Variants in NAALADL2 observed in about 807,000 individuals in gnomAD.
NAALADL2 encodes N-acetylated alpha-linked acidic dipeptidase like 2, also known as inactive N-acetylated-alpha-linked acidic dipeptidase-like protein 2.
A neutral mutation model predicts 87.2 loss-of-function variants in NAALADL2; 76 were observed. The ratio of observed to expected loss-of-function variants is 0.87; its 90% CI spans 0.72 to 1.05. NAALADL2 has a LOEUF of 1.05. Ranked by LOEUF, NAALADL2 falls within the 50% of genes least tolerant of loss-of-function variation. The pLI, the probability that NAALADL2 is intolerant of heterozygous loss-of-function variation, is 0.00. For missense variants in NAALADL2, 1,089 were observed against 945.8 expected (o/e 1.15, Z -1.99); for synonymous variants, 354 against 331.0 (o/e 1.07, Z -0.75).
intron 10 of NAALADL2, among the ~76,000 whole-genome samples, chr3:175,599,179 C>T (rs1192792236): frequency 6.6e-6 from 1 of 152,008 alleles, no homozygotes; most frequent in Non-Finnish European, 1.5e-5. Flanking sequence ...CATATAGGTA[C>T]TGTAGGATAA....
At chr3:175,077,239 C>T (rs370432532) in intron 1 of NAALADL2, among the ~76,000 whole-genome samples, 43 of 152,232 alleles carry the variant, frequency 2.8e-4, no homozygotes, top group African/African-American at 8.9e-4. Context: ...TTTAATATTT[C>T]AAGCTTTAAA....
intron 2 of NAALADL2, among the ~76,000 whole-genome samples, chr3:174,602,742 G>C (rs753407862): frequency 6.6e-5 from 10 of 151,822 alleles, no homozygotes; most frequent in African/African-American, 2.4e-4. Context: ...CCCTCATTTA[G>C]TATGATATTA....
intron 9 of NAALADL2, among the ~76,000 whole-genome samples, chr3:175,493,765 G>A (rs1005286857): frequency 1.3e-5 from 2 of 152,108 alleles, no homozygotes; most frequent in Non-Finnish European, 2.9e-5. Flanking sequence ...TACAAGTATT[G>A]TCATTATGTT....
chr3:174,602,042 A>G (rs1718507838), intron 2 of NAALADL2, among the ~76,000 whole-genome samples: 1 of 152,100 alleles, frequency 6.6e-6, no homozygotes, highest in Non-Finnish European at 1.5e-5. Context: ...CATTTTGGTT[A>G]CTACAGTTCT....
chr3:174,744,880 A>G (rs1436870042), intron 3 of NAALADL2, among the ~76,000 whole-genome samples: 3 of 152,176 alleles, frequency 2.0e-5, no homozygotes, highest in Non-Finnish European at 4.4e-5. Context: ...GCAGAAATAA[A>G]TAAGTTCTTT....
intron 1 of NAALADL2, among the ~76,000 whole-genome samples, chr3:174,945,937 T>C (rs1739342240): frequency 1.3e-5 from 2 of 149,802 alleles, no homozygotes; most frequent in Admixed American, 1.3e-4. Context: ...TCCCAGCTGA[T>C]TGGGAGGCTG....
intron 3 of NAALADL2, among the ~76,000 whole-genome samples, chr3:174,805,626 A>T (rs1719380034): frequency 6.6e-6 from 1 of 152,158 alleles, no homozygotes; most frequent in Admixed American, 6.6e-5. Context: ...GTATTTAAGA[A>T]AATCTTTGCT....
intron 1 of NAALADL2, among the ~76,000 whole-genome samples, chr3:175,079,093 T>C (rs1351364859): frequency 6.6e-6 from 1 of 152,202 alleles, no homozygotes; most frequent in African/African-American, 2.4e-5. Context: ...TTCCAACACT[T>C]ATCATCTGTC....
intron 1 of NAALADL2, among the ~76,000 whole-genome samples, chr3:174,921,163 G>T (rs1251520305): frequency 6.6e-6 from 1 of 152,170 alleles, no homozygotes; most frequent in Non-Finnish European, 1.5e-5. Flanking sequence ...GGCACTGATA[G>T]AATTGCTTGA....
At chr3:175,399,997 C>G (rs1240248683) in intron 5 of NAALADL2, among the ~76,000 whole-genome samples, 1 of 152,060 alleles carries the variant, frequency 6.6e-6, no homozygotes, top group Admixed American at 6.6e-5. Flanking sequence ...TTCCAGACAT[C>G]AAACATGTTG....
chr3:174,861,441 A>G (rs957971862), intron 1 of NAALADL2, among the ~76,000 whole-genome samples: 20 of 152,178 alleles, frequency 1.3e-4, no homozygotes, highest in African/African-American at 4.6e-4. Flanking sequence ...ATGAAAAGTT[A>G]TTTTCTAGTG....
chr3:174,549,755 G>T (rs12489769), intron 1 of NAALADL2, among the ~76,000 whole-genome samples: 69,220 of 151,928 alleles, frequency 0.46, 17,875 homozygotes, highest in Non-Finnish European at 0.58. Flanking sequence ...TAGAATAGAA[G>T]TATCCCCAAA....
intron 3 of NAALADL2, among the ~76,000 whole-genome samples, chr3:174,813,449 A>G (rs533521922): frequency 2.0e-5 from 3 of 152,188 alleles, no homozygotes; most frequent in African/African-American, 4.8e-5. Flanking sequence ...ACAATTGCCT[A>G]TGTATTCAGT....
chr3:175,579,250 G>A (rs141461775), intron 10 of NAALADL2, among the ~76,000 whole-genome samples: 42 of 151,938 alleles, frequency 2.8e-4, no homozygotes, highest in Admixed American at 2.6e-3. Context: ...GATTGATCAT[G>A]GATCTATTAT....
intron 1 of NAALADL2, among the ~76,000 whole-genome samples, chr3:174,965,016 A>C (rs916466547): frequency 3.3e-5 from 5 of 152,042 alleles, no homozygotes; most frequent in African/African-American, 1.2e-4. Flanking sequence ...AAGAGCAAAC[A>C]TTTATTTTCT....
At chr3:174,682,163 A>T (rs897731427) in intron 2 of NAALADL2, among the ~76,000 whole-genome samples, 1 of 152,198 alleles carries the variant, frequency 6.6e-6, no homozygotes, top group Admixed American at 6.5e-5. Context: ...TGCAAAGTGG[A>T]TACCAGCTCA....
chr3:174,796,655 C>T (rs1718134200), intron 3 of NAALADL2, among the ~76,000 whole-genome samples: 1 of 66,688 alleles, frequency 1.5e-5, no homozygotes, highest in Non-Finnish European at 3.2e-5. Context: ...CATATCTTTG[C>T]TATTGTGAAC....
intron 2 of NAALADL2, among the ~76,000 whole-genome samples, chr3:174,727,538 A>C (rs1732317096): frequency 6.6e-6 from 1 of 152,072 alleles, no homozygotes. Context: ...TTTTAATTTT[A>C]TTCACTTGTT....
intron 2 of NAALADL2, among the ~76,000 whole-genome samples, chr3:174,661,040 G>A (rs1725454633): frequency 1.3e-5 from 2 of 152,064 alleles, no homozygotes; most frequent in Admixed American, 1.3e-4. Flanking sequence ...GTAGCCACTA[G>A]GTATGTAGAG....
Sources: gnomAD v4.1 joint callset for allele counts (sites outside exome capture counted in the v4.1 genomes callset) on GRCh38, gnomAD v4.1.1 for gene constraint, MANE v1.5 for transcripts, NCBI Gene and HGNC (gene_info 2026-07-23, HGNC 2026-07-21) for gene names.